The following CIAO3 variants were observed in gnomAD, a reference collection of about 807,000 sequenced individuals.
CIAO3 encodes LET1 like/JFP15.
A neutral mutation model predicts 51.5 loss-of-function variants in CIAO3; 45 were observed. The ratio of observed to expected loss-of-function variants is 0.87; its 90% CI spans 0.69 to 1.12. The LOEUF is 1.12. Ranked by LOEUF, CIAO3 falls within the 50% of genes most tolerant of loss-of-function variation. The pLI is 0.00. For synonymous variants in CIAO3, 314 were observed against 269.3 expected (o/e 1.17, Z -1.63); for missense variants, 668 against 632.5 (o/e 1.06, Z -0.60).
intron 8 of CIAO3, 124 bp downstream of exon 8, chr16:732,177 T>C: frequency 9.4e-7 from 1 of 1,059,666 alleles, no homozygotes; most frequent in Admixed American, 2.2e-5. Context: ...TGCGCCTGGC[T>C]ATCCAGCCAC....
chr16:735,236 C>A, intron 4 of CIAO3: 1 of 232,896 alleles, frequency 4.3e-6, no homozygotes, highest in Non-Finnish European at 8.4e-6. Context: ...CAGCTGGACG[C>A]AGCCTGCTGG....
chr16:737,416 A>G lies in CIAO3; in HGVS notation c.163-87T>C. 6.3e-7 allele frequency: 1 copy of G among 1,593,358 alleles called. No homozygotes were observed. Among genetic ancestry groups the G allele is most frequent in the Non-Finnish European group, 8.6e-7 (1 of 1,167,804 alleles). ...GATAGTGGAGTCCAGCTCATAACCG[A>G]CAACCAACATGGCTGCTGGCTGGGC... is the stretch of plus-strand genomic sequence containing the variant. On this transcript the variant is annotated intron_variant, in intron 2 of 10. Coordinates refer to ENST00000251588, the MANE Select transcript of CIAO3 (RefSeq NM_022493.3). This position sits in a 1 kb window ranked among gnomAD's most constrained non-coding sequence, Gnocchi z 5.3.
In CIAO3 at chr16:731,545, A is replaced by T; in HGVS notation, c.1034+20T>A. The T allele has an allele frequency of 6.4e-7, 1 of 1,551,816 alleles. No individual in the cohort carries two copies. The highest frequency in any genetic ancestry group is 8.7e-7 in the Non-Finnish European group (1 of 1,147,534). Reference sequence around the variant, plus strand: ...GGCTGTGTGGCCGCTCTGCCCAGAGATCTGGCCCATCCCACTGACCTCAGG... The same window carrying T: ...GGCTGTGTGGCCGCTCTGCCCAGAGTTCTGGCCCATCCCACTGACCTCAGG... On this transcript the variant is annotated intron_variant, in intron 9 of 10. Coordinates refer to ENST00000251588, the MANE Select transcript of CIAO3 (RefSeq NM_022493.3).
In CIAO3 at chr16:731,562, G is replaced by C; in HGVS notation, c.1034+3C>G. 6.4e-7 allele frequency: 1 copy of C among 1,562,676 alleles called. No homozygotes were observed. Among genetic ancestry groups the C allele is most frequent in the Non-Finnish European group, 8.7e-7 (1 of 1,154,034 alleles). ...GCCCAGAGATCTGGCCCATCCCACT[G>C]ACCTCAGGGGTTTGTAGGTAACCTC... is the stretch of plus-strand genomic sequence containing the variant. On this transcript the variant is annotated splice_donor_region_variant and intron_variant, in intron 9 of 10. Coordinates refer to ENST00000251588, the MANE Select transcript of CIAO3 (RefSeq NM_022493.3).
chr16:732,301 A>G lies in CIAO3; in HGVS notation c.896T>C (p.Leu299Pro), dbSNP rs758577359. The G allele has an allele frequency of 6.2e-7, 1 of 1,610,764 alleles. No homozygotes were observed. Among genetic ancestry groups the G allele is most frequent in the Admixed American group, 1.7e-5 (1 of 59,916 alleles). Reference protein sequence around the residue: ...PDLEPAPLDSLCSGASAEEPT... With the variant: ...PDLEPAPLDSPCSGASAEEPT... ...AGTTCTTGGTGGCAGACATACGTACAGGCTGTCCAGAGGGGCTGGTTCCAG... is the reference window on the plus strand; with the variant it reads ...AGTTCTTGGTGGCAGACATACGTACGGGCTGTCCAGAGGGGCTGGTTCCAG... Residue 299 changes from leucine to proline, a missense_variant and splice_region_variant, in exon 8 of 11, where the codon CTG becomes CCG. Coordinates refer to ENST00000251588, the MANE Select transcript of CIAO3 (RefSeq NM_022493.3).
At position 730,614 on chromosome 16, in the gene CIAO3, G is replaced by A. The variant is rs777777723; in HGVS notation, c.1234C>T (p.Pro412Ser). 1.9e-6 allele frequency: 3 copies of A among 1,610,164 alleles called. No individual in the cohort carries two copies. In the African/African-American group the frequency reaches 4.0e-5, roughly 21 times the overall value. The change falls in exon 11 of 11, where the codon CCC (proline) becomes TCC (serine). Residue 412 changes from proline to serine, a missense_variant. Coordinates refer to ENST00000251588, the MANE Select transcript of CIAO3 (RefSeq NM_022493.3). The stretch of plus-strand genomic sequence containing the variant: ...ACGTGCTGGAGGAGCTCTCTGCTGG[G>A]CCTGTCTGGGGCCTGGAGCTGGCCC... ...GGGQLQAPDR[P>S]SRELLQHVER...
chr16:732,443 C>T (rs767728627), intron 7 of CIAO3, 70 bp from the exon 8 acceptor site: 3 of 1,537,796 alleles, frequency 2.0e-6, no homozygotes, highest in Non-Finnish European at 9.0e-7. Context: ...AACATCCAAG[C>T]CACCTGCATC....
intron 6 of CIAO3, 118 bp downstream of exon 6, chr16:734,111 G>A (rs2041313278): frequency 1.1e-6 from 1 of 886,450 alleles, no homozygotes; most frequent in Non-Finnish European, 1.9e-6. Context: ...GAGGTGTGCT[G>A]GGGAAGGCCG....
Position 730,488 on chromosome 16 carries a change from C to T in CIAO3, c.1360G>A (p.Ala454Thr), listed in dbSNP as rs2041261965. Residue 454 changes from alanine (A) to threonine (T), a missense_variant, in exon 11 of 11, where the codon GCA becomes ACA. Ala to Thr is a moderately conservative substitution (Grantham distance 58, BLOSUM62 0). Coordinates refer to ENST00000251588, the MANE Select transcript of CIAO3 (RefSeq NM_022493.3). ...TACTGCGTATGCAGCAAGCGACCTG[C>T]ACACTCCGAGTCCGTGCCCTGCAGC... ...HWLQGTDSEC[A>T]GRLLHTQYHA... 4 of 1,609,296 alleles carry T rather than the reference C, an allele frequency of 2.5e-6. No homozygotes were observed. Among genetic ancestry groups the T allele is most frequent in the African/African-American group, 2.7e-5 (2 of 74,946 alleles).
Position 730,270 on chromosome 16 carries a change from G to C in CIAO3, c.*147C>G. 1.3e-6 allele frequency: 1 copy of C among 775,586 alleles called. No individual in the cohort carries two copies. Among genetic ancestry groups the C allele is most frequent in the Non-Finnish European group, 2.1e-6 (1 of 485,688 alleles). The allele number at this position is 775,586 out of a possible 1,614,324, so 48.0% of individuals were successfully genotyped here. A position where few individuals can be genotyped will look rare whatever the true frequency, so the allele number is the denominator to read the frequency against. On this transcript the variant is annotated 3_prime_UTR_variant, in exon 11 of 11. Transcript: ENST00000251588. ...CAACTGGAGGTGACGAGGCGGCTGC[G>C]GGTCCTGGCTAGTCCTAGCTCCTAC... is the stretch of plus-strand genomic sequence containing the variant.
Position 730,675 on chromosome 16 carries a change from A to G in CIAO3, c.1193-20T>C, listed in dbSNP as rs1344596771. On this transcript the variant is annotated intron_variant, in intron 10 of 10. Transcript: ENST00000251588. The stretch of plus-strand genomic sequence containing the variant: ...GGCAGCCTATGGGAGAGCAGACGGG[A>G]CAGGGGTCACAGCCTGCGCCCCAGC... 3.7e-6 allele frequency: 6 copies of G among 1,602,034 alleles called. No homozygotes were observed. The highest frequency in any genetic ancestry group is 5.1e-6 in the Non-Finnish European group (6 of 1,176,672).
At chr16:733,185 C>T in intron 7 of CIAO3, 113 bp downstream of exon 7, 1 of 1,389,656 alleles carries the variant, frequency 7.2e-7, no homozygotes, top group Non-Finnish European at 9.8e-7. Context: ...CGAGCCCCCA[C>T]ACTCCAGCCA....
Position 730,936 on chromosome 16 carries a change from C to T in CIAO3, c.1099G>A (p.Ala367Thr), listed in dbSNP as rs1269175181. Residue 367 changes from alanine to threonine, a missense_variant, in exon 10 of 11, where the codon GCG (alanine) becomes ACG (threonine). Transcript: ENST00000251588. ...EGQVLLHFAM[A>T]YGFRNIQNLV... ...TTCTGGATGTTGCGGAAGCCGTACG[C>T]CATTGCGAAGTGCAGCAGCACCTGG... 6.2e-7 allele frequency: 1 copy of T among 1,612,990 alleles called. No individual in the cohort carries two copies.
chr16:734,623 A>AT (rs1206925104), intron 5 of CIAO3, 114 bp downstream of exon 5: 1 of 1,577,720 alleles, frequency 6.3e-7, no homozygotes, highest in Non-Finnish European at 8.7e-7. Context: ...CGTCCCGCAA[A>AT]ACCTGCTTGC....
chr16:730,398 AGTCCT>A lies in CIAO3; in HGVS notation c.*14_*18del. On this transcript the variant is annotated 3_prime_UTR_variant, in exon 11 of 11. Coordinates refer to ENST00000251588, the MANE Select transcript of CIAO3 (RefSeq NM_022493.3). Reference sequence around the variant, plus strand: ...TCACACATGGACACGGCCTCCTGGGAGTCCTGGTCCTGCAGCCCCTACCACCGGAT... The same window carrying A: ...TCACACATGGACACGGCCTCCTGGGAGGTCCTGCAGCCCCTACCACCGGAT... 6.3e-7 allele frequency: 1 copy of A among 1,594,112 alleles called. No individual in the cohort carries two copies. Among genetic ancestry groups the A allele is most frequent in the Non-Finnish European group, 8.5e-7 (1 of 1,175,138 alleles).
At position 734,995 on chromosome 16, in the gene CIAO3, C is replaced by A. The variant is rs949195614; in HGVS notation, c.440-124G>T. ...GTCGCACCTGCTTGCCGTGCCAAAG[C>A]CCCGGCCCCACCGTGGGGACCTCCT... On this transcript the variant is annotated intron_variant, in intron 4 of 10. Coordinates refer to ENST00000251588, the MANE Select transcript of CIAO3 (RefSeq NM_022493.3). 3.8e-6 allele frequency: 5 copies of A among 1,330,196 alleles called. No homozygotes were observed. The African/African-American group carries it at 7.5e-5, about 20-fold the overall frequency. 82.4% of individuals were successfully genotyped at this position (1,330,196 alleles called of 1,614,324 possible).
At position 730,899 on chromosome 16, in the gene CIAO3, C is replaced by A; in HGVS notation, c.1136G>T (p.Arg379Met). 6.2e-7 allele frequency: 1 copy of A among 1,612,948 alleles called. No homozygotes were observed. Residue 379 changes from arginine to methionine, a missense_variant, in exon 10 of 11, where the codon AGG becomes ATG. Transcript: ENST00000251588. The part of the protein sequence containing the change: ...GFRNIQNLVQ[R>M]LKRGRCPYHY... ...GTAGGGGCAGCGCCCTCGTTTGAGCCTCTGCACCAGGTTCTGGATGTTGCG... is the reference window on the plus strand; with the variant it reads ...GTAGGGGCAGCGCCCTCGTTTGAGCATCTGCACCAGGTTCTGGATGTTGCG...
Position 734,271 on chromosome 16 carries a change from C to G in CIAO3, c.651G>C (p.Gln217His). 6.2e-7 allele frequency: 1 copy of G among 1,612,138 alleles called. No individual in the cohort carries two copies. Among genetic ancestry groups the G allele is most frequent in the Non-Finnish European group, 8.5e-7 (1 of 1,179,848 alleles). The part of the protein sequence containing the change: ...PHISTARSPQ[Q>H]VMGSLVKDFF... ...AGTCCTTGACCAGGGAGCCCATGAC[C>G]TGCTGCGGGGACCGGGCGGTGCTGA... The change falls in exon 6 of 11, where the codon CAG becomes CAC. Residue 217 changes from glutamine (Q) to histidine (H), a missense_variant. Gln to His is a conservative substitution (Grantham distance 24, BLOSUM62 0). Coordinates refer to ENST00000251588, the MANE Select transcript of CIAO3 (RefSeq NM_022493.3).
chr16:731,652 G>A lies in CIAO3; in HGVS notation c.947C>T (p.Ser316Leu), dbSNP rs1169214942. The A allele has an allele frequency of 1.3e-5, 20 of 1,557,856 alleles. No individual in the cohort carries two copies. Among genetic ancestry groups the A allele is most frequent in the East Asian group, 1.2e-4 (5 of 41,656 alleles). ...GAACACGTGCTCCAGGTAGCCCCCC[G>A]AGCCCCCTCCCCGATGGCTGGTGGG... The part of the protein sequence containing the change: ...EEPTSHRGGG[S>L]GGYLEHVFRH... Residue 316 changes from serine (S) to leucine (L), a missense_variant, in exon 9 of 11, where the codon TCG (serine) becomes TTG (leucine). Ser to Leu is a moderately radical substitution (Grantham distance 145). Coordinates refer to ENST00000251588, the MANE Select transcript of CIAO3 (RefSeq NM_022493.3).
Sources: allele counts gnomAD v4.1 joint callset, GRCh38; gene constraint gnomAD v4.1.1; non-coding constraint Gnocchi (gnomAD v3.1); transcripts MANE v1.5; gene names NCBI Gene and HGNC (gene_info 2026-07-23, HGNC 2026-07-21).